Variants in TPRG1 observed in about 807,000 individuals in gnomAD.
The protein encoded by TPRG1 is tumor protein p63 regulated 1.
A neutral mutation model predicts 29.3 loss-of-function variants in TPRG1; 29 were observed. That is an observed-to-expected ratio of 0.99 (90% CI 0.74 to 1.35). The LOEUF is 1.35. TPRG1 is among the 40% of genes most tolerant of loss of function. The pLI is 0.00. For synonymous variants in TPRG1, 130 were observed against 116.8 expected (o/e 1.11, Z -0.73); for missense variants, 327 against 335.0 (o/e 0.98, Z 0.19).
intron 1 of TPRG1, chr3:189,207,153 G>T: frequency 1.0e-6 from 1 of 984,630 alleles, no homozygotes; most frequent in Non-Finnish European, 1.2e-6. Flanking sequence ...TGTCCGGAGA[G>T]TCTCTCCTTC....
At chr3:189,129,529 C>G (rs993791523) in intron 2 of TPRG1, among the ~76,000 whole-genome samples, 2 of 152,202 alleles carry the variant, frequency 1.3e-5, no homozygotes, top group Non-Finnish European at 2.9e-5. Flanking sequence ...ACACTTGAGA[C>G]TATAAAAATA....
At chr3:189,233,166 ATGTGTG>A (rs59388844) in intron 3 of TPRG1, among the ~76,000 whole-genome samples, 41,107 of 148,704 alleles carry the variant, frequency 0.28, 5,932 homozygotes, top group South Asian at 0.46. Flanking sequence ...CTGAGTGTGT[ATGTGTG>A]TGTGTGTGTG....
chr3:189,141,700 C>G (rs1240986017), intron 3 of TPRG1, among the ~76,000 whole-genome samples: 1 of 152,196 alleles, frequency 6.6e-6, no homozygotes, highest in Non-Finnish European at 1.5e-5. Context: ...ATTACTGGAT[C>G]TACAATGAAG....
intron 1 of TPRG1, among the ~76,000 whole-genome samples, chr3:189,107,589 A>G (rs1719976239): frequency 6.6e-6 from 1 of 152,120 alleles, no homozygotes; most frequent in Non-Finnish European, 1.5e-5. Flanking sequence ...CTATTGAATC[A>G]TATCAATCTT....
rs1023066823 is a variant in TPRG1, at chr3:189,186,438, C to A, written c.-10+14307C>A. Among the ~76,000 whole-genome samples the A allele has an allele frequency of 5.3e-5, 8 of 152,094 alleles. No homozygotes were observed. The East Asian group carries it at 5.8e-4, about 11-fold the overall frequency. The stretch of plus-strand genomic sequence containing the variant: ...TTTTCCTTGTTGAATTAAAACAAAA[C>A]AAAACAAAAAACCTAGTAACTTGTT... On this transcript the variant is annotated intron_variant, in intron 1 of 5. Transcript: ENST00000345063.
chr3:189,037,112 G>A (rs1240010211), intron 4 of TPRG1, among the ~76,000 whole-genome samples: 1 of 148,700 alleles, frequency 6.7e-6, no homozygotes, highest in Non-Finnish European at 1.5e-5. Context: ...TAGAATAATA[G>A]AAAAGGCCAA....
intron 4 of TPRG1, among the ~76,000 whole-genome samples, chr3:189,262,095 A>C (rs1031539141): frequency 6.6e-6 from 1 of 152,138 alleles, no homozygotes; most frequent in Non-Finnish European, 1.5e-5. Context: ...GAAGCTGGAC[A>C]AAAGGGCCAG....
rs182141703 is a variant in TPRG1, at chr3:189,003,462, G to A, written c.-877-1081G>A. Among the ~76,000 whole-genome samples, 9 of 152,228 alleles carry A rather than the reference G, an allele frequency of 5.9e-5. No individual in the cohort carries two copies. In the East Asian group the frequency reaches 1.7e-3, roughly 29 times the overall value. On this transcript the variant is annotated intron_variant, in intron 2 of 10. Coordinates refer to the TPRG1 transcript ENST00000433971. ...ATGTGACGTTAGGACTTTTACCTAG[G>A]ATTCCAGTTCTGTTCTCTGATACCA...
rs564572770 is a variant in TPRG1, at chr3:189,022,655, T to G, written c.-659-1095T>G. Among the ~76,000 whole-genome samples the G allele has an allele frequency of 7.4e-3, 1,122 of 152,320 alleles. 12 individuals are homozygous for G. Among genetic ancestry groups the G allele is most frequent in the African/African-American group, 0.025 (1,024 of 41,580 alleles). On this transcript the variant is annotated intron_variant, in intron 3 of 10. Coordinates refer to the TPRG1 transcript ENST00000433971. The stretch of plus-strand genomic sequence containing the variant: ...TTCAAAGCTGTCAGACAGGGACATT[T>G]AAGTCTGCAGAGGTTACTGCTGTCT...
At chr3:189,283,399 T>A (rs1470675913) in intron 4 of TPRG1, among the ~76,000 whole-genome samples, 1 of 152,222 alleles carries the variant, frequency 6.6e-6, no homozygotes. Context: ...AAAAAGGCAA[T>A]GTGTCATCTC....
chr3:189,009,827 G>C (rs1404272047), intron 3 of TPRG1, among the ~76,000 whole-genome samples: 1 of 151,682 alleles, frequency 6.6e-6, no homozygotes, highest in Non-Finnish European at 1.5e-5. Flanking sequence ...GGGTACATGT[G>C]CAGGATGTGC....
intron 4 of TPRG1, among the ~76,000 whole-genome samples, chr3:189,026,411 T>C (rs1052399734): frequency 3.3e-5 from 5 of 152,234 alleles, no homozygotes; most frequent in Admixed American, 6.5e-5. Context: ...TACTGTCACA[T>C]TGGGGGTTGG....
At chr3:189,121,889 T>A (rs1419609324) in intron 1 of TPRG1, 1 of 152,210 alleles carries the variant, frequency 6.6e-6, no homozygotes, top group Non-Finnish European at 1.5e-5. Context: ...ACATGTTATG[T>A]TGAAAAGATA....
At chr3:189,023,294 T>G (rs1713470731) in intron 3 of TPRG1, among the ~76,000 whole-genome samples, 1 of 152,264 alleles carries the variant, frequency 6.6e-6, no homozygotes, top group African/African-American at 2.4e-5. Flanking sequence ...TGTTCTGCTT[T>G]AATACTTGTG....
intron 4 of TPRG1, among the ~76,000 whole-genome samples, chr3:189,258,875 G>C (rs1464961028): frequency 6.6e-6 from 1 of 152,172 alleles, no homozygotes; most frequent in Non-Finnish European, 1.5e-5. Flanking sequence ...AGTGTCCCAG[G>C]TCGACTTCAG....
At chr3:189,004,631 G>A (rs1578180732) in exon 3 of TPRG1, 1 of 152,136 alleles carries the variant, frequency 6.6e-6, no homozygotes, top group East Asian at 1.9e-4. Flanking sequence ...ATGACTGCAT[G>A]GAGCAGAACC....
At chr3:189,175,013 C>T (rs1009193835) in intron 1 of TPRG1, among the ~76,000 whole-genome samples, 48 of 152,044 alleles carry the variant, frequency 3.2e-4, no homozygotes, top group African/African-American at 1.2e-3. Flanking sequence ...TAATAATCAC[C>T]TTTTGATCAC....
At chr3:189,259,292 C>A (rs1322358490) in intron 4 of TPRG1, among the ~76,000 whole-genome samples, 1 of 151,716 alleles carries the variant, frequency 6.6e-6, no homozygotes, top group Admixed American at 6.6e-5. Flanking sequence ...GAGGCGACAC[C>A]CCACCCTGCT....
intron 4 of TPRG1, 82 bp downstream of exon 4, chr3:189,238,991 C>T: frequency 3.0e-6 from 4 of 1,320,198 alleles, no homozygotes; most frequent in Non-Finnish European, 4.1e-6. Flanking sequence ...TCAGTTTGGC[C>T]CTGTAAACTG....
Sources: gnomAD v4.1 joint callset for allele counts (sites outside exome capture counted in the v4.1 genomes callset) on GRCh38, gnomAD v4.1.1 for gene constraint, MANE v1.5 for transcripts, NCBI Gene and HGNC (gene_info 2026-07-23, HGNC 2026-07-21) for gene names.